AP3D1: variants seen among roughly 807,000 people sequenced by gnomAD.
The protein encoded by AP3D1 is adaptor related protein complex 3 subunit delta 1.
Under a neutral mutation model 147.6 loss-of-function variants are expected in AP3D1, and 51 were observed. The observed-to-expected ratio is 0.35, with a 90% CI of 0.28 to 0.44. The LOEUF (loss-of-function observed/expected upper bound fraction) is 0.44. Ranked by LOEUF, AP3D1 falls within the 20% of genes least tolerant of loss-of-function variation. The pLI is 1.00. For missense variants in AP3D1, 1,421 were observed against 1,624.2 expected (o/e 0.87, Z 2.15); for synonymous variants, 760 against 663.0 (o/e 1.15, Z -2.25).
rs2018342518 is a variant in AP3D1 at position 2,113,351 on chromosome 19, G to C, written c.2664C>G (p.Ala888=). ...AGTCTCTTACCGTGGATGGAACGGG[G>C]GCGGGGGCGGGGGCGGGGGCAGGCG... ...TPPPAPAPAP[A]PVPSTGELSV... is the part of the protein sequence containing the mutation. The change falls in exon 23 of 32, where the codon GCC becomes GCG. Residue 888 remains alanine (A), a synonymous_variant. Transcript: ENST00000643116. 4 of 1,430,650 alleles carry C rather than the reference G, an allele frequency of 2.8e-6. No individual in the cohort carries two copies. Among genetic ancestry groups the C allele is most frequent in the Non-Finnish European group, 3.7e-6 (4 of 1,077,486 alleles). The allele number at this position is 1,430,650 out of a possible 1,614,324, so 88.6% of individuals were successfully genotyped here.
At chr19:2,111,034 C>T (rs545653461) in intron 26 of AP3D1, 138 bp from the exon 27 acceptor site, 19 of 1,053,198 alleles carry the variant, frequency 1.8e-5, no homozygotes, top group South Asian at 1.8e-4. Context: ...GCCCCCTAGC[C>T]GCAGGCCAAG....
chr19:2,107,312 C>T (rs1179659904), intron 31 of AP3D1, among the ~76,000 whole-genome samples: 1 of 150,638 alleles, frequency 6.6e-6, no homozygotes, highest in African/African-American at 2.4e-5. Context: ...CCTCTAGGAA[C>T]GGAATGCTGA....
intron 20 of AP3D1, 114 bp from the exon 21 acceptor site, chr19:2,114,935 G>A: frequency 8.3e-7 from 1 of 1,200,908 alleles, no homozygotes; most frequent in Non-Finnish European, 1.2e-6. Flanking sequence ...CAGGTGGGCA[G>A]TGACGTGGCT....
chr19:2,148,025 G>C (rs1302293874), intron 1 of AP3D1, among the ~76,000 whole-genome samples: 21 of 151,342 alleles, frequency 1.4e-4, no homozygotes, highest in Admixed American at 1.4e-3. Flanking sequence ...CAAAAAATTA[G>C]ACGGGCGTGG....
intron 1 of AP3D1, among the ~76,000 whole-genome samples, chr19:2,150,125 G>A (rs2019466518): frequency 6.6e-6 from 1 of 152,224 alleles, no homozygotes; most frequent in African/African-American, 2.4e-5. Flanking sequence ...CCCAGAGAGA[G>A]GGACATGGGC....
intron 11 of AP3D1, among the ~76,000 whole-genome samples, chr19:2,122,610 C>G (rs1209373789): frequency 6.6e-6 from 1 of 152,176 alleles, no homozygotes; most frequent in Non-Finnish European, 1.5e-5. Flanking sequence ...ACATTAGGCA[C>G]AATAAGAAAT....
chr19:2,149,692 C>G (rs1856413031), intron 1 of AP3D1, among the ~76,000 whole-genome samples: 1 of 152,130 alleles, frequency 6.6e-6, no homozygotes, highest in Non-Finnish European at 1.5e-5. Context: ...CCCCTGAAAA[C>G]CATGCCCCAG....
rs2019512560 is a variant in AP3D1 at position 2,151,510 on chromosome 19, C to G, written c.-176G>C. The stretch of plus-strand genomic sequence containing the variant: ...ACCGCGGCAGAGGCGGCGACCCGCT[C>G]GGCAGGTGCCGCGATCCCGCTCCGG... On this transcript the variant is annotated 5_prime_UTR_variant, in exon 1 of 32. Transcript: ENST00000643116. 2 of 183,328 alleles carry G rather than the reference C, an allele frequency of 1.1e-5. No individual in the cohort carries two copies. The highest frequency in any genetic ancestry group is 1.8e-4 in the South Asian group (1 of 5,558). 11.4% of individuals were successfully genotyped at this position (183,328 alleles called of 1,614,324 possible). A position where few individuals can be genotyped will look rare whatever the true frequency, so the allele number is the denominator to read the frequency against.
chr19:2,119,972 A>T (rs925651640), intron 14 of AP3D1, among the ~76,000 whole-genome samples: 1 of 152,100 alleles, frequency 6.6e-6, no homozygotes, highest in African/African-American at 2.4e-5. Flanking sequence ...AAAAAAAGAA[A>T]ATGACAGAAG....
At chr19:2,111,498 G>T in intron 25 of AP3D1, 166 bp from the exon 26 acceptor site, 1 of 1,193,144 alleles carries the variant, frequency 8.4e-7, no homozygotes, top group Non-Finnish European at 1.2e-6. Flanking sequence ...GGACCACACA[G>T]CCCACCACGG....
intron 12 of AP3D1, 94 bp downstream of exon 12, chr19:2,121,640 G>A (rs2018614408): frequency 1.4e-6 from 2 of 1,459,868 alleles, no homozygotes; most frequent in Non-Finnish European, 1.8e-6. Flanking sequence ...AGTGTGAGGG[G>A]ACTCCATGCA....
Position 2,130,428 on chromosome 19 carries a change from T to C in AP3D1, c.572A>G (p.Lys191Arg), listed in dbSNP as rs1316069406. ...LRPAFPRLKEKLEDPDPGVQS... is the reference protein window; with the variant it reads ...LRPAFPRLKERLEDPDPGVQS... ...CAAACCGGGGTCGGGGTCCTCCAGC[T>C]TCTCCTTCAGCCGGGGAAAGGCAGG... The change falls in exon 6 of 32, where the codon AAG becomes AGG. Residue 191 changes from lysine (K) to arginine (R), a missense_variant. Physicochemically the swap from Lys to Arg is conservative, Grantham distance 26. Around this residue, in one of 6 missense-constraint regions of AP3D1, gnomAD observed 292 missense variants for 412.0 expected, o/e 0.71. Transcript: ENST00000643116. The C allele has an allele frequency of 6.2e-7, 1 of 1,614,002 alleles. No individual in the cohort carries two copies. Among genetic ancestry groups the C allele is most frequent in the South Asian group, 1.1e-5 (1 of 91,082 alleles).
intron 1 of AP3D1, among the ~76,000 whole-genome samples, chr19:2,158,572 T>C (rs746963408): frequency 2.0e-5 from 3 of 151,948 alleles, no homozygotes; most frequent in Non-Finnish European, 2.9e-5. Flanking sequence ...CCTCCCAAAG[T>C]GCTAGGATTA....
intron 2 of AP3D1, 120 bp from the exon 3 acceptor site, chr19:2,137,927 G>A: frequency 2.7e-6 from 2 of 743,818 alleles, no homozygotes; most frequent in Admixed American, 2.3e-5. Flanking sequence ...TTCACTGTCA[G>A]CAAACCACCC....
rs778258394 is a variant in AP3D1, at chr19:2,101,047, G to A, written c.*1126C>T. 9 of 152,528 alleles carry A rather than the reference G, an allele frequency of 5.9e-5. No homozygotes were observed. The highest frequency in any genetic ancestry group is 2.0e-4 in the Admixed American group (3 of 15,278). The allele number at this position is 152,528 out of a possible 1,614,324, so 9.4% of individuals were successfully genotyped here. On this transcript the variant is annotated 3_prime_UTR_variant, in exon 32 of 32. Transcript: ENST00000643116. ...CTTGACACAAAATCATGACAGCAGC[G>A]TGATATGTCTCTCTCTTTATACGGG...
chr19:2,111,178 G>C (rs1459124502), intron 26 of AP3D1, 107 bp downstream of exon 26: 8 of 1,407,794 alleles, frequency 5.7e-6, no homozygotes, highest in South Asian at 1.2e-5. Context: ...CACAGGCCCT[G>C]GGTATACCAA....
At chr19:2,103,090 C>T (rs1261473871) in intron 31 of AP3D1, among the ~76,000 whole-genome samples, 1 of 152,220 alleles carries the variant, frequency 6.6e-6, no homozygotes, top group Non-Finnish European at 1.5e-5. Context: ...CACCACTGCA[C>T]ACCAGCCTGG....
At chr19:2,108,429 G>A (rs563460251) in intron 31 of AP3D1, among the ~76,000 whole-genome samples, 12 of 152,300 alleles carry the variant, frequency 7.9e-5, no homozygotes, top group African/African-American at 2.2e-4. Flanking sequence ...GGGCAGGAGT[G>A]CAGTGGGAGT....
intron 1 of AP3D1, among the ~76,000 whole-genome samples, chr19:2,146,326 G>A (rs771756871): frequency 4.6e-5 from 7 of 152,106 alleles, no homozygotes; most frequent in Non-Finnish European, 8.8e-5. Flanking sequence ...TGTACAGGCC[G>A]GGCACACTGG....
Sources: allele counts gnomAD v4.1 joint callset (sites outside exome capture counted in the v4.1 genomes callset), GRCh38; gene constraint gnomAD v4.1.1; regional missense constraint gnomAD v4.1.1; transcripts MANE v1.5; gene names NCBI Gene and HGNC (gene_info 2026-07-23, HGNC 2026-07-21).